Variants in INPP4B observed in about 807,000 individuals in gnomAD.
INPP4B encodes inositol polyphosphate-4-phosphatase type II B, also known as inositol polyphosphate 4-phosphatase type II.
A neutral mutation model predicts 122.5 loss-of-function variants in INPP4B; 55 were observed. The ratio of observed to expected loss-of-function variants is 0.45; its 90% CI spans 0.36 to 0.56. The LOEUF (loss-of-function observed/expected upper bound fraction) is 0.56, where lower values mean the gene tolerates loss of function less well. Ranked by LOEUF, INPP4B falls within the 20% of genes least tolerant of loss-of-function variation. INPP4B has a pLI of 0.00. For missense variants in INPP4B, 1,000 were observed against 1,097.7 expected (o/e 0.91, Z 1.26); for synonymous variants, 403 against 388.7 (o/e 1.04, Z -0.43).
chr4:142,163,922 T>C (rs1416167239), intron 16 of INPP4B, among the ~76,000 whole-genome samples: 4 of 151,864 alleles, frequency 2.6e-5, no homozygotes, highest in African/African-American at 9.7e-5. Context: ...AGAAAGTCTA[T>C]CTAAATGTTA....
Position 142,042,755 on chromosome 4 carries a change from G to T in INPP4B, c.2643-13841C>A, listed in dbSNP as rs566229787. Among the ~76,000 whole-genome samples, 14 of 152,144 alleles carry T rather than the reference G, an allele frequency of 9.2e-5. No homozygotes were observed. In the South Asian group the frequency reaches 2.5e-3, roughly 27 times the overall value. On this transcript the variant is annotated intron_variant, in intron 25 of 25. Coordinates refer to ENST00000262992, the MANE Select transcript of INPP4B (RefSeq NM_001101669.3). ...TTTTTATATTTTTAGTAGAGATGAG[G>T]TTTTACCATGTTGGTCAAGCTGGTC... is the stretch of plus-strand genomic sequence containing the variant.
At chr4:142,275,463 C>A (rs566510132) in intron 9 of INPP4B, among the ~76,000 whole-genome samples, 1 of 151,794 alleles carries the variant, frequency 6.6e-6, no homozygotes, top group East Asian at 1.9e-4. Context: ...TGCATTTAAA[C>A]CATCTAGACA....
intron 14 of INPP4B, 44 bp from the exon 15 acceptor site, chr4:142,193,239 T>C: frequency 9.1e-7 from 1 of 1,104,888 alleles, no homozygotes; most frequent in Non-Finnish European, 1.4e-6. Flanking sequence ...TGCAAACATT[T>C]ATCTCCGTCA....
rs199808148 is a variant in INPP4B at position 142,604,632 on chromosome 4, C to CA, written c.-191+121206dup. Reference sequence around the variant, plus strand: ...AAAATAATCCCATATATAATAGCTACAAAAAAATACTTGAAAATAAATTTA... The same window carrying CA: ...AAAATAATCCCATATATAATAGCTACAAAAAAAATACTTGAAAATAAATTTA... On this transcript the variant is annotated intron_variant, in intron 2 of 25. Transcript: ENST00000262992. Among the ~76,000 whole-genome samples, 1,091 of 151,756 alleles carry CA rather than the reference C, an allele frequency of 7.2e-3. 20 individuals are homozygous for CA. Among genetic ancestry groups the CA allele is most frequent in the African/African-American group, 0.025 (1,030 of 41,442 alleles).
chr4:142,447,620 T>G (rs555751396), intron 3 of INPP4B, among the ~76,000 whole-genome samples: 1 of 152,256 alleles, frequency 6.6e-6, no homozygotes, highest in Non-Finnish European at 1.5e-5. Context: ...GAAATCACCC[T>G]GAAGGATCAC....
At chr4:142,440,188 C>A (rs6822263) in intron 3 of INPP4B, among the ~76,000 whole-genome samples, 30,544 of 152,114 alleles carry the variant, frequency 0.2, 3,978 homozygotes, top group East Asian at 0.41. Context: ...ACAGAAATAA[C>A]TAACTTAGGA....
At chr4:142,370,679 C>T (rs1011351060) in intron 7 of INPP4B, among the ~76,000 whole-genome samples, 1 of 151,854 alleles carries the variant, frequency 6.6e-6, no homozygotes, top group African/African-American at 2.4e-5. Context: ...AGAAAGCAAT[C>T]CCATTTACAA....
intron 5 of INPP4B, among the ~76,000 whole-genome samples, chr4:142,425,719 C>T (rs558034505): frequency 3.9e-5 from 6 of 152,082 alleles, no homozygotes; most frequent in African/African-American, 9.6e-5. Flanking sequence ...GCCTCTCCCC[C>T]AGATATGTTC....
At chr4:142,840,051 A>G (rs2151207662) in intron 1 of INPP4B, among the ~76,000 whole-genome samples, 1 of 152,356 alleles carries the variant, frequency 6.6e-6, no homozygotes, top group Non-Finnish European at 1.5e-5. Context: ...TTAATTATTC[A>G]GTCAAAGGCA....
chr4:142,503,347 A>AT (rs1172572105), intron 2 of INPP4B, among the ~76,000 whole-genome samples: 1 of 152,162 alleles, frequency 6.6e-6, no homozygotes, highest in Non-Finnish European at 1.5e-5. Flanking sequence ...CAAGATAAAT[A>AT]TTTTTTAAAA....
At chr4:142,379,482 T>C (rs1191406429) in intron 7 of INPP4B, among the ~76,000 whole-genome samples, 7 of 152,186 alleles carry the variant, frequency 4.6e-5, no homozygotes, top group Non-Finnish European at 7.3e-5. Flanking sequence ...TTGGTACACA[T>C]AACTTTTTTC....
intron 2 of INPP4B, among the ~76,000 whole-genome samples, chr4:142,562,458 C>G (rs1163250836): frequency 6.6e-6 from 1 of 152,236 alleles, no homozygotes; most frequent in East Asian, 1.9e-4. Flanking sequence ...ATGCTTACAT[C>G]CCATATAGCC....
chr4:142,205,207 T>C (rs1842164832), intron 14 of INPP4B, among the ~76,000 whole-genome samples: 1 of 152,152 alleles, frequency 6.6e-6, no homozygotes, highest in South Asian at 2.1e-4. Context: ...ACTTTGGTCA[T>C]AGTTTCTCTT....
intron 15 of INPP4B, among the ~76,000 whole-genome samples, chr4:142,185,638 G>A (rs955418940): frequency 1.3e-5 from 2 of 151,766 alleles, no homozygotes; most frequent in East Asian, 1.9e-4. Flanking sequence ...CTAGCACTTC[G>A]AGAGGCCGAG....
At chr4:142,627,898 G>A (rs1000634268) in intron 2 of INPP4B, among the ~76,000 whole-genome samples, 15 of 150,498 alleles carry the variant, frequency 1.0e-4, no homozygotes, top group African/African-American at 2.9e-4. Flanking sequence ...CTTTTTGGTT[G>A]GTAAGCTATT....
intron 2 of INPP4B, among the ~76,000 whole-genome samples, chr4:142,715,972 A>G (rs954425715): frequency 6.6e-6 from 1 of 152,214 alleles, no homozygotes; most frequent in African/African-American, 2.4e-5. Context: ...TTACTCCATT[A>G]GGCCTGGACT....
At chr4:142,261,653 C>T (rs1740075818) in intron 10 of INPP4B, among the ~76,000 whole-genome samples, 1 of 152,128 alleles carries the variant, frequency 6.6e-6, no homozygotes, top group African/African-American at 2.4e-5. Context: ...ACTGTTCTGT[C>T]TCCCTCCACC....
intron 9 of INPP4B, among the ~76,000 whole-genome samples, chr4:142,303,852 T>C (rs1442089823): frequency 6.6e-6 from 1 of 152,178 alleles, no homozygotes; most frequent in African/African-American, 2.4e-5. Flanking sequence ...GTATTTCTTT[T>C]CTCTTTCAAG....
At chr4:142,082,275 C>T in intron 24 of INPP4B, 90 bp from the exon 25 acceptor site, 1 of 1,087,060 alleles carries the variant, frequency 9.2e-7, no homozygotes. Context: ...CTAAACACAT[C>T]AAATATAAAT....
Sources: gnomAD v4.1 joint callset for allele counts (sites outside exome capture counted in the v4.1 genomes callset) on GRCh38, gnomAD v4.1.1 for gene constraint, MANE v1.5 for transcripts, NCBI Gene and HGNC (gene_info 2026-07-23, HGNC 2026-07-21) for gene names.